Variants in GPD1L observed in about 807,000 individuals in gnomAD.
GPD1L encodes the protein glycerol-3-phosphate dehydrogenase 1-like protein.
A neutral mutation model predicts 32.9 loss-of-function variants in GPD1L; 17 were observed. The ratio of observed to expected loss-of-function variants is 0.52; its 90% CI spans 0.35 to 0.78. The LOEUF is 0.78. GPD1L is among the 30% of genes least tolerant of loss of function. The pLI is 0.01. For synonymous variants in GPD1L, 187 were observed against 165.9 expected, an observed-to-expected ratio of 1.13 and a Z score of -0.98; for missense variants, 361 against 447.8, an observed-to-expected ratio of 0.81 and a Z score of 1.75.
chr3:32,123,703 C>T (rs986337749), intron 1 of GPD1L, among the ~76,000 whole-genome samples: 1 of 151,762 alleles, frequency 6.6e-6, no homozygotes. Context: ...GAAAGACAGA[C>T]AGACAGATAG....
At chr3:32,116,685 A>C (rs1700337394) in intron 1 of GPD1L, among the ~76,000 whole-genome samples, 1 of 152,182 alleles carries the variant, frequency 6.6e-6, no homozygotes. Context: ...ATTTAAATTT[A>C]CTACTACTTG....
chr3:32,136,232 A>G (rs751062189), intron 2 of GPD1L, among the ~76,000 whole-genome samples: 2 of 152,152 alleles, frequency 1.3e-5, no homozygotes, highest in African/African-American at 4.8e-5. Flanking sequence ...ATTTGTAAAC[A>G]TGGTTGCAGT....
chr3:32,152,786 G>C lies in GPD1L; in HGVS notation c.618+6052G>C, dbSNP rs1410338435. On this transcript the variant is annotated intron_variant, in intron 5 of 7. Transcript: ENST00000282541. The stretch of plus-strand genomic sequence containing the variant: ...TTCATGGTCTGTGAAAGTGACCAGA[G>C]CATCAATGTCACATCTACCTTCCAA... Among the ~76,000 whole-genome samples the C allele has an allele frequency of 2.0e-5, 3 of 150,726 alleles. No individual in the cohort carries two copies. In the East Asian group the frequency reaches 5.8e-4, roughly 29 times the overall value.
Position 32,166,914 on chromosome 3 carries a change from A to C in GPD1L, c.*1004A>C, listed in dbSNP as rs1258611798. On this transcript the variant is annotated 3_prime_UTR_variant, in exon 8 of 8. Coordinates refer to ENST00000282541, the MANE Select transcript of GPD1L (RefSeq NM_015141.4). ...CATAGGAGGGCTTCCTGCAGCTGAG[A>C]TCTATGCAGGCCATCCTCTCAACAA... 3 of 151,354 alleles carry C rather than the reference A, an allele frequency of 2.0e-5. No homozygotes were observed. The highest frequency in any genetic ancestry group is 4.4e-5 in the Non-Finnish European group (3 of 67,980). The allele number at this position is 151,354 out of a possible 1,614,324, so 9.4% of individuals were successfully genotyped here.
At chr3:32,158,693 C>T in intron 5 of GPD1L, 183 bp from the exon 6 acceptor site, 2 of 1,356,172 alleles carry the variant, frequency 1.5e-6, no homozygotes, top group Non-Finnish European at 2.0e-6. Context: ...ATATGGAAGC[C>T]CTGTCTCTCC....
Position 32,140,280 on chromosome 3 carries a change from AGAAGATGGG to A in GPD1L, c.420_428del (p.Glu140_Gly143delinsAsp). On this transcript the variant is annotated inframe_deletion, in exon 4 of 8. Coordinates refer to ENST00000282541, the MANE Select transcript of GPD1L (RefSeq NM_015141.4). ...AAGCTCATTTCTGACATCATCCGTG[AGAAGATGGG>A]TATTGACATCAGTGTGCTGATGGGA... is the stretch of plus-strand genomic sequence containing the variant. 6.2e-7 allele frequency: 1 copy of A among 1,614,014 alleles called. No individual in the cohort carries two copies. The highest frequency in any genetic ancestry group is 8.5e-7 in the Non-Finnish European group (1 of 1,179,940).
Position 32,106,639 on chromosome 3 carries a change from G to T in GPD1L, c.-73G>T. The T allele has an allele frequency of 7.2e-7, 1 of 1,396,574 alleles. No homozygotes were observed. The highest frequency in any genetic ancestry group is 9.4e-7 in the Non-Finnish European group (1 of 1,058,470). 86.5% of individuals were successfully genotyped at this position (1,396,574 alleles called of 1,614,324 possible). A position where few individuals can be genotyped will look rare whatever the true frequency, so the allele number is the denominator to read the frequency against. ...GGCGGGGCCGCCGCCAGCCGCTGCG[G>T]GCAAGGCTGAACAGGCGGAGGTGGG... On this transcript the variant is annotated 5_prime_UTR_variant, in exon 1 of 8. Transcript: ENST00000282541. The surrounding 1 kb of genome is among the most constrained non-coding windows in gnomAD (Gnocchi z 4.0).
At position 32,114,228 on chromosome 3, in the gene GPD1L, G is replaced by T. The variant is rs77625235; in HGVS notation, c.47+7470G>T. Among the ~76,000 whole-genome samples the T allele has an allele frequency of 3.0e-3, 455 of 152,338 alleles. 7 individuals are homozygous for T. Among genetic ancestry groups the T allele is most frequent in the African/African-American group, 0.01 (433 of 41,582 alleles). On this transcript the variant is annotated intron_variant, in intron 1 of 7. Transcript: ENST00000282541. ...GCAGGCTTCAGCCAGCGTGACAGGG[G>T]TGACCAGCCCACATGTCTTTCATCC...
intron 5 of GPD1L, among the ~76,000 whole-genome samples, chr3:32,158,135 A>T (rs941676139): frequency 7.2e-5 from 11 of 152,250 alleles, no homozygotes; most frequent in African/African-American, 2.7e-4. Context: ...CCCCAGTGCC[A>T]GTTGACAGGA....
At chr3:32,148,117 C>A (rs1042104528) in intron 5 of GPD1L, among the ~76,000 whole-genome samples, 5 of 152,240 alleles carry the variant, frequency 3.3e-5, no homozygotes, top group African/African-American at 1.2e-4. Flanking sequence ...AACTAATTAC[C>A]ACTCAACAGC....
In GPD1L at chr3:32,166,609, C is replaced by T. The variant is rs1701150762; in HGVS notation, c.*699C>T. The T allele has an allele frequency of 6.5e-6, 1 of 153,372 alleles. No individual in the cohort carries two copies. The highest frequency in any genetic ancestry group is 1.5e-5 in the Non-Finnish European group (1 of 68,890). The allele number at this position is 153,372 out of a possible 1,614,324, so 9.5% of individuals were successfully genotyped here. ...TGGGATTTTCCTGCTGTGGCTGGCACATTCTTCTGATTAACAGACACTTGT... is the reference window on the plus strand; with the variant it reads ...TGGGATTTTCCTGCTGTGGCTGGCATATTCTTCTGATTAACAGACACTTGT... On this transcript the variant is annotated 3_prime_UTR_variant, in exon 8 of 8. Coordinates refer to ENST00000282541, the MANE Select transcript of GPD1L (RefSeq NM_015141.4).
chr3:32,137,552 C>T (rs1460967486), intron 2 of GPD1L, among the ~76,000 whole-genome samples: 1 of 152,156 alleles, frequency 6.6e-6, no homozygotes, highest in East Asian at 1.9e-4. Flanking sequence ...TCACATGGTA[C>T]ACGTAGCTGC....
intron 1 of GPD1L, among the ~76,000 whole-genome samples, chr3:32,125,396 C>T (rs1700491492): frequency 6.6e-6 from 1 of 152,196 alleles, no homozygotes; most frequent in Admixed American, 6.5e-5. Flanking sequence ...CTGCAGTTAG[C>T]TGAGTATTTG....
chr3:32,107,279 T>C (rs1408543907), intron 1 of GPD1L, among the ~76,000 whole-genome samples: 5 of 152,130 alleles, frequency 3.3e-5, no homozygotes, highest in African/African-American at 1.2e-4. Flanking sequence ...ATAGGTCCAC[T>C]ATCTTAGGCG....
chr3:32,119,739 G>T (rs976138817), intron 1 of GPD1L, among the ~76,000 whole-genome samples: 1 of 152,156 alleles, frequency 6.6e-6, no homozygotes. Flanking sequence ...GCTCTTATGA[G>T]TGAAAAAGTA....
chr3:32,167,713 T>C lies in GPD1L; in HGVS notation c.*1803T>C, dbSNP rs997531169. On this transcript the variant is annotated 3_prime_UTR_variant, in exon 8 of 8. Transcript: ENST00000282541. ...TATATTCCTAGAATTTAAGTTACTTTGTGAGATTTGGGCCTGTCCCTCAAT... is the reference window on the plus strand; with the variant it reads ...TATATTCCTAGAATTTAAGTTACTTCGTGAGATTTGGGCCTGTCCCTCAAT... 5.9e-5 allele frequency: 9 copies of C among 152,634 alleles called. No individual in the cohort carries two copies. The highest frequency in any genetic ancestry group is 3.3e-4 in the Admixed American group (5 of 15,288). 9.5% of individuals were successfully genotyped at this position (152,634 alleles called of 1,614,324 possible).
At chr3:32,123,840 AGAC>A (rs921768704) in intron 1 of GPD1L, among the ~76,000 whole-genome samples, 3 of 50,372 alleles carry the variant, frequency 6.0e-5, no homozygotes, top group African/African-American at 1.3e-4. Flanking sequence ...ATAGATAGAT[AGAC>A]AGACAGATAA....
At chr3:32,111,030 TAAGTTTTATATTTTTAGTAC>T (rs1259914272) in intron 1 of GPD1L, among the ~76,000 whole-genome samples, 2 of 152,192 alleles carry the variant, frequency 1.3e-5, no homozygotes, top group African/African-American at 4.8e-5. Context: ...CATGCCCGGC[TAAGTTTTATATTTTTAGTAC>T]AGACAGGGTT....
At chr3:32,150,498 C>CTT (rs559342674) in intron 5 of GPD1L, among the ~76,000 whole-genome samples, 1 of 141,908 alleles carries the variant, frequency 7.0e-6, no homozygotes. Context: ...TTCTTAACAA[C>CTT]TTTTTTTTTT....
Sources: gnomAD v4.1 joint callset for allele counts (sites outside exome capture counted in the v4.1 genomes callset) on GRCh38, gnomAD v4.1.1 for gene constraint, Gnocchi (gnomAD v3.1) non-coding constraint, MANE v1.5 for transcripts, NCBI Gene and HGNC (gene_info 2026-07-23, HGNC 2026-07-21) for gene names.